EYA1: variants seen among roughly 807,000 people sequenced by gnomAD.
EYA1 encodes the protein EYA transcriptional coactivator and phosphatase 1.
A neutral mutation model predicts 82.0 loss-of-function variants in EYA1; 16 were observed. The ratio of observed to expected loss-of-function variants is 0.20; its 90% CI spans 0.13 to 0.30. The LOEUF (loss-of-function observed/expected upper bound fraction) is 0.30. Ranked by LOEUF, EYA1 falls within the 10% of genes least tolerant of loss-of-function variation. The pLI is 1.00. For synonymous variants in EYA1, 261 were observed against 264.4 expected, an observed-to-expected ratio of 0.99 and a Z score of 0.12; for missense variants, 633 against 730.7, an observed-to-expected ratio of 0.87 and a Z score of 1.54.
chr8:71,294,472 A>AAAC (rs768302846), intron 9 of EYA1, among the ~76,000 whole-genome samples: 1 of 149,676 alleles, frequency 6.7e-6, no homozygotes, highest in Admixed American at 6.7e-5. Context: ...ACAAACAAAC[A>AAAC]AAAAAAACAC....
intron 4 of EYA1, among the ~76,000 whole-genome samples, chr8:71,322,730 T>A (rs530508110): frequency 6.6e-6 from 1 of 152,292 alleles, no homozygotes; most frequent in African/African-American, 2.4e-5. Flanking sequence ...AGAAACATGG[T>A]CTAATCTTCT....
chr8:71,290,325 C>A (rs1283375161), intron 9 of EYA1, among the ~76,000 whole-genome samples: 1 of 152,112 alleles, frequency 6.6e-6, no homozygotes, highest in Admixed American at 6.6e-5. Context: ...CGATGTCCTC[C>A]AACTTAAATA....
chr8:71,272,117 T>G (rs1816617593), intron 9 of EYA1, among the ~76,000 whole-genome samples: 1 of 152,224 alleles, frequency 6.6e-6, no homozygotes, highest in South Asian at 2.1e-4. Context: ...TAAAATTTAA[T>G]TGAAGGTGAG....
chr8:71,474,364 C>T (rs1351330524), intron 2 of EYA1, among the ~76,000 whole-genome samples: 1 of 152,040 alleles, frequency 6.6e-6, no homozygotes, highest in Non-Finnish European at 1.5e-5. Flanking sequence ...GAGGTGAGGA[C>T]TGAATGGAAC....
rs1563640139 is a variant in EYA1, at chr8:71,463,619, CTCTCTCTCTCTCT to C, written c.33+72112_33+72124del. ...TCTCTCTCTCTCTCTCTCTCTCTCT[CTCTCTCTCTCTCT>C]CCCTCCCTCCCCCCTCCCACACACA... On this transcript the variant is annotated intron_variant, in intron 2 of 18. Coordinates refer to the EYA1 transcript ENST00000643681. 5.9e-3 allele frequency among the ~76,000 whole-genome samples: 740 copies of C among 125,564 alleles called. 57 individuals carry two copies. The highest frequency in any genetic ancestry group is 0.022 in the African/African-American group (603 of 27,590). The allele number at this position is 125,564 out of a possible 152,430, so 82.4% of individuals were successfully genotyped here. A position where few individuals can be genotyped will look rare whatever the true frequency, so the allele number is the denominator to read the frequency against.
intron 11 of EYA1, among the ~76,000 whole-genome samples, chr8:71,246,000 G>A (rs527299874): frequency 6.6e-6 from 1 of 152,246 alleles, no homozygotes; most frequent in South Asian, 2.1e-4. Flanking sequence ...ATGAACTTGG[G>A]GGATATGCAG....
chr8:71,429,984 T>C (rs776546396), intron 2 of EYA1, among the ~76,000 whole-genome samples: 5 of 152,190 alleles, frequency 3.3e-5, no homozygotes, highest in Non-Finnish European at 5.9e-5. Context: ...AGTCTATATA[T>C]AAACTTACTT....
chr8:71,336,157 T>C (rs1432713384), intron 3 of EYA1, among the ~76,000 whole-genome samples: 1 of 152,136 alleles, frequency 6.6e-6, no homozygotes, highest in Non-Finnish European at 1.5e-5. Flanking sequence ...AGATTTAACT[T>C]GGGATGTTTT....
At chr8:71,236,989 A>T (rs1292806300) in intron 12 of EYA1, among the ~76,000 whole-genome samples, 2 of 151,980 alleles carry the variant, frequency 1.3e-5, no homozygotes, top group African/African-American at 4.8e-5. Flanking sequence ...TGCATTGTAG[A>T]TCATGTTATT....
chr8:71,510,936 T>C (rs1429235551), intron 2 of EYA1, among the ~76,000 whole-genome samples: 2 of 152,230 alleles, frequency 1.3e-5, no homozygotes, highest in Non-Finnish European at 2.9e-5. Context: ...TTCTTTTTAA[T>C]TGTGCCAGGG....
intron 3 of EYA1, among the ~76,000 whole-genome samples, chr8:71,340,435 A>G (rs942009278): frequency 6.6e-6 from 1 of 152,236 alleles, no homozygotes; most frequent in African/African-American, 2.4e-5. Flanking sequence ...TAAGTTGGAC[A>G]TCATTTAAAC....
At chr8:71,381,151 T>G (rs1828679682) in intron 2 of EYA1, among the ~76,000 whole-genome samples, 1 of 152,212 alleles carries the variant, frequency 6.6e-6, no homozygotes, top group Non-Finnish European at 1.5e-5. Context: ...TCTGGTCCCC[T>G]TTTTCACTCT....
chr8:71,429,264 T>A (rs575870970), intron 2 of EYA1, among the ~76,000 whole-genome samples: 1 of 152,310 alleles, frequency 6.6e-6, no homozygotes, highest in East Asian at 1.9e-4. Context: ...TGCAGACCTA[T>A]CAGATTTTAA....
At chr8:71,340,267 TTTTCA>T (rs1824970471) in intron 3 of EYA1, among the ~76,000 whole-genome samples, 4 of 152,234 alleles carry the variant, frequency 2.6e-5, no homozygotes, top group Non-Finnish European at 4.4e-5. Flanking sequence ...TTTGCTTTAC[TTTTCA>T]TTTCATTTCT....
intron 2 of EYA1, among the ~76,000 whole-genome samples, chr8:71,408,966 C>G (rs1586658771): frequency 1.7e-5 from 2 of 119,210 alleles, no homozygotes; most frequent in African/African-American, 7.2e-5. Context: ...TGACCACATA[C>G]TTGGAAGTAA....
chr8:71,334,142 C>T lies in EYA1; in HGVS notation c.157G>A (p.Ala53Thr). 1 of 1,613,676 alleles carries T rather than the reference C, an allele frequency of 6.2e-7. No individual in the cohort carries two copies. The highest frequency in any genetic ancestry group is 1.1e-5 in the South Asian group (1 of 91,080). Residue 53 changes from alanine to threonine, a missense_variant, in exon 4 of 18, where the codon GCT (alanine) becomes ACT (threonine). Coordinates refer to ENST00000340726, the MANE Select transcript of EYA1 (RefSeq NM_000503.6). Reference protein sequence around the residue: ...KTEPMSSSETASTTADGSLNN... With the variant: ...KTEPMSSSETTSTTADGSLNN... ...AAAGACCCGTCGGCTGTCGTTGAAG[C>T]TGTTTCACTGCTGCTCATTGGCTCT...
intron 9 of EYA1, among the ~76,000 whole-genome samples, chr8:71,288,825 G>A (rs1419762964): frequency 6.6e-6 from 1 of 152,122 alleles, no homozygotes; most frequent in East Asian, 1.9e-4. Flanking sequence ...AATATCAGCA[G>A]TCACATAAAA....
intron 2 of EYA1, among the ~76,000 whole-genome samples, chr8:71,492,826 C>T (rs932408568): frequency 1.3e-5 from 2 of 152,152 alleles, no homozygotes; most frequent in Non-Finnish European, 1.5e-5. Flanking sequence ...AAACTTGTGT[C>T]ACAGGAGTGT....
At chr8:71,405,244 TA>T (rs1563579063) in intron 2 of EYA1, among the ~76,000 whole-genome samples, 1 of 145,330 alleles carries the variant, frequency 6.9e-6, no homozygotes, top group Admixed American at 6.9e-5. Context: ...AGATCAGCTT[TA>T]AAAAACAAAC....
Sources: gnomAD v4.1 joint callset for allele counts (sites outside exome capture counted in the v4.1 genomes callset) on GRCh38, gnomAD v4.1.1 for gene constraint, MANE v1.5 for transcripts, NCBI Gene and HGNC (gene_info 2026-07-23, HGNC 2026-07-21) for gene names.